ADAMTS9: variants seen among roughly 807,000 people sequenced by gnomAD.
ADAMTS9 encodes A disintegrin and metalloproteinase with thrombospondin motifs 9.
A neutral mutation model predicts 257.1 loss-of-function variants in ADAMTS9; 107 were observed. The ratio of observed to expected loss-of-function variants is 0.42; its 90% CI spans 0.36 to 0.49. ADAMTS9 has a LOEUF of 0.49. Among genes scored for constraint, ADAMTS9 ranks in the 20% least tolerant of loss-of-function variants. The pLI is 0.03. For synonymous variants in ADAMTS9, 982 were observed against 880.9 expected (o/e 1.11, Z -2.03); for missense variants, 2,353 against 2,469.1 (o/e 0.95, Z 1.00).
At chr3:64,537,243 T>C (rs1478484103) in intron 37 of ADAMTS9, among the ~76,000 whole-genome samples, 1 of 152,222 alleles carries the variant, frequency 6.6e-6, no homozygotes, top group Non-Finnish European at 1.5e-5. Flanking sequence ...AATCAGTTCA[T>C]TTGTCTCTGA....
chr3:64,660,549 C>G lies in ADAMTS9; in HGVS notation c.680-1758G>C, dbSNP rs149510183. On this transcript the variant is annotated intron_variant, in intron 3 of 39. Transcript: ENST00000498707. Reference sequence around the variant, plus strand: ...ACCATTCTGAGCAGTGTGATGGACTCTGGCACTATCCTGCCCCATCCTGCC... The same window carrying G: ...ACCATTCTGAGCAGTGTGATGGACTGTGGCACTATCCTGCCCCATCCTGCC... Among the ~76,000 whole-genome samples the G allele has an allele frequency of 8.8e-3, 1,345 of 152,258 alleles. 27 individuals are homozygous for G. Among genetic ancestry groups the G allele is most frequent in the African/African-American group, 0.028 (1,157 of 41,532 alleles).
intron 3 of ADAMTS9, among the ~76,000 whole-genome samples, chr3:64,661,117 T>C (rs1248914974): frequency 1.3e-5 from 2 of 152,210 alleles, no homozygotes; most frequent in South Asian, 4.1e-4. Flanking sequence ...GGAGGACTAC[T>C]ATAGTAAAAT....
At chr3:64,577,363 GGT>G (rs1381072161) in intron 28 of ADAMTS9, among the ~76,000 whole-genome samples, 1 of 152,148 alleles carries the variant, frequency 6.6e-6, no homozygotes, top group East Asian at 1.9e-4. Flanking sequence ...AGGTTTACCG[GGT>G]GATTATTTGT....
At chr3:64,616,694 A>G (rs952448330) in intron 19 of ADAMTS9, among the ~76,000 whole-genome samples, 3 of 152,224 alleles carry the variant, frequency 2.0e-5, no homozygotes, top group African/African-American at 7.2e-5. Context: ...TTAATACCCT[A>G]GGAATATGAT....
chr3:64,637,251 T>A (rs139246604), intron 12 of ADAMTS9, among the ~76,000 whole-genome samples: 354 of 152,360 alleles, frequency 2.3e-3, no homozygotes, highest in Middle Eastern at 0.014. Flanking sequence ...AAAAATCATT[T>A]TATAATTTAA....
Position 64,599,326 on chromosome 3 carries a change from T to C in ADAMTS9, c.4018-2335A>G, listed in dbSNP as rs143474997. Among the ~76,000 whole-genome samples, 531 of 152,356 alleles carry C rather than the reference T, an allele frequency of 3.5e-3. 5 individuals carry two copies. The highest frequency in any genetic ancestry group is 0.012 in the African/African-American group (499 of 41,588). On this transcript the variant is annotated intron_variant, in intron 26 of 39. Coordinates refer to ENST00000498707, the MANE Select transcript of ADAMTS9 (RefSeq NM_182920.2). ...TTGTTAACAAAGTCCCTGTCCTCTT[T>C]AAATGACAACATTTTCTTAGGTAAA...
At chr3:64,682,560 A>G (rs1170467105) in intron 2 of ADAMTS9, among the ~76,000 whole-genome samples, 1 of 152,212 alleles carries the variant, frequency 6.6e-6, no homozygotes, top group East Asian at 1.9e-4. Context: ...AAGAGGAGAA[A>G]TCAAGCTCCA....
intron 25 of ADAMTS9, among the ~76,000 whole-genome samples, chr3:64,603,695 C>T (rs2084505752): frequency 6.6e-6 from 1 of 152,148 alleles, no homozygotes; most frequent in African/African-American, 2.4e-5. Flanking sequence ...GACTGTAAAC[C>T]GATTTATCCA....
chr3:64,559,019 G>C (rs558004942), intron 30 of ADAMTS9, among the ~76,000 whole-genome samples: 11 of 152,250 alleles, frequency 7.2e-5, no homozygotes, highest in Admixed American at 4.6e-4. Flanking sequence ...GGTGAGGGCT[G>C]TGATTTAGGG....
At position 64,561,645 on chromosome 3, in the gene ADAMTS9, T is replaced by C. The variant is rs769261684; in HGVS notation, c.4631A>G (p.Glu1544Gly). 2 of 1,614,112 alleles carry C rather than the reference T, an allele frequency of 1.2e-6. No individual in the cohort carries two copies. Among genetic ancestry groups the C allele is most frequent in the Non-Finnish European group, 1.7e-6 (2 of 1,180,002 alleles). ...TGGGCCTTGGCAGTCGCGTTCCGAC[T>C]CCGGTCTGGTGTATGGGTTGCACTC... is the stretch of plus-strand genomic sequence containing the variant. ...ETECNPYTRP[E>G]SERDCQGPRC... The change falls in exon 30 of 40, where the codon GAG (glutamate) becomes GGG (glycine). Residue 1544 changes from glutamate (E) to glycine (G), a missense_variant. Coordinates refer to ENST00000498707, the MANE Select transcript of ADAMTS9 (RefSeq NM_182920.2).
rs767134441 is a variant in ADAMTS9 at position 64,642,004 on chromosome 3, T to C, written c.1711-11A>G. 6.2e-7 allele frequency: 1 copy of C among 1,613,994 alleles called. No individual in the cohort carries two copies. Among genetic ancestry groups the C allele is most frequent in the South Asian group, 1.1e-5 (1 of 91,058 alleles). On this transcript the variant is annotated splice_polypyrimidine_tract_variant and intron_variant, in intron 11 of 39. Coordinates refer to ENST00000498707, the MANE Select transcript of ADAMTS9 (RefSeq NM_182920.2). ...TCCATACTTGCAGTGCTGTATTTAA[T>C]AAGGGGAATAGTGAGGGAGACTTGG... is the stretch of plus-strand genomic sequence containing the variant.
intron 20 of ADAMTS9, 67 bp from the exon 21 acceptor site, chr3:64,615,552 G>T: frequency 6.8e-7 from 1 of 1,479,854 alleles, no homozygotes; most frequent in Non-Finnish European, 9.1e-7. Context: ...GAAGATCCTG[G>T]CTATGTTGTC....
chr3:64,621,317 C>T (rs1352616019), intron 18 of ADAMTS9, 77 bp from the exon 19 acceptor site: 2 of 1,474,414 alleles, frequency 1.4e-6, no homozygotes, highest in African/African-American at 2.8e-5. Flanking sequence ...GATTGGCAAG[C>T]ATTTTCTCTA....
intron 27 of ADAMTS9, among the ~76,000 whole-genome samples, chr3:64,595,208 G>A (rs72889080): frequency 0.017 from 2,543 of 152,224 alleles, 64 homozygotes; most frequent in African/African-American, 0.058. Context: ...CTCTGACTCC[G>A]TCTCCATAGC....
At chr3:64,546,987 C>A in intron 31 of ADAMTS9, 35 bp from the exon 32 acceptor site, 1 of 1,578,904 alleles carries the variant, frequency 6.3e-7, no homozygotes, top group South Asian at 1.2e-5. Context: ...GAGGTTCGAG[C>A]AGTTCCTGGG....
In ADAMTS9 at chr3:64,575,057, C is replaced by T. The variant is rs1021181771; in HGVS notation, c.4357-6522G>A. ...ACATTTCCCCTTGACTGAAGCTACC[C>T]TACTTTTCTCTTGGACATTTTTCAG... On this transcript the variant is annotated intron_variant, in intron 28 of 39. Transcript: ENST00000498707. Among the ~76,000 whole-genome samples the T allele has an allele frequency of 5.9e-5, 9 of 152,174 alleles. No individual in the cohort carries two copies. In the South Asian group the frequency reaches 6.2e-4, roughly 11 times the overall value.
intron 26 of ADAMTS9, among the ~76,000 whole-genome samples, chr3:64,599,490 A>G (rs1332604746): frequency 6.6e-6 from 1 of 152,206 alleles, no homozygotes; most frequent in Non-Finnish European, 1.5e-5. Context: ...GCTCAAATCA[A>G]CATCCTTTTC....
Position 64,607,089 on chromosome 3 carries a change from G to A in ADAMTS9, c.3355-10C>T. ...CACAAGTGACACTGCACTGGAAGAA[G>A]GAGGACAAAAGGTATATACAATTCA... On this transcript the variant is annotated splice_polypyrimidine_tract_variant and intron_variant, in intron 22 of 39. Transcript: ENST00000498707. 1 of 1,613,300 alleles carries A rather than the reference G, an allele frequency of 6.2e-7. No homozygotes were observed. Among genetic ancestry groups the A allele is most frequent in the South Asian group, 1.1e-5 (1 of 91,020 alleles).
intron 38 of ADAMTS9, among the ~76,000 whole-genome samples, chr3:64,531,008 A>C (rs1327877682): frequency 6.6e-6 from 1 of 152,092 alleles, no homozygotes; most frequent in Admixed American, 6.6e-5. Context: ...GCACATTCTA[A>C]AGCTCATGCA....
Sources: gnomAD v4.1 joint callset for allele counts (sites outside exome capture counted in the v4.1 genomes callset) on GRCh38, gnomAD v4.1.1 for gene constraint, MANE v1.5 for transcripts, NCBI Gene and HGNC (gene_info 2026-07-23, HGNC 2026-07-21) for gene names.